PRSS23: variants seen among roughly 807,000 people sequenced by gnomAD.
PRSS23 encodes the protein serine protease 23, also known as protease, serine 23.
A neutral mutation model predicts 34.7 loss-of-function variants in PRSS23; 25 were observed. The observed-to-expected ratio is 0.72, with a 90% CI of 0.53 to 1.01. The LOEUF (loss-of-function observed/expected upper bound fraction) is 1.01. PRSS23 is among the 50% of genes least tolerant of loss of function. The probability of loss-of-function intolerance (pLI) is 0.00; values close to 1 mark genes in which losing one functional copy is unlikely to be tolerated. For synonymous variants in PRSS23, 176 were observed against 186.6 expected (o/e 0.94, Z 0.46); for missense variants, 445 against 475.6 (o/e 0.94, Z 0.60).
chr11:86,840,660 C>A (rs1409084670), intron 2 of PRSS23, among the ~76,000 whole-genome samples: 1 of 152,204 alleles, frequency 6.6e-6, no homozygotes, highest in Non-Finnish European at 1.5e-5. Context: ...AATATACATT[C>A]TTGTCAGCAC....
chr11:86,946,278 C>A (rs1949241612), intron 2 of PRSS23: 1 of 152,194 alleles, frequency 6.6e-6, no homozygotes, highest in African/African-American at 2.4e-5. Flanking sequence ...CGCAGAGTGG[C>A]TCTTGCCCCT....
intron 2 of PRSS23, among the ~76,000 whole-genome samples, chr11:86,830,694 C>T (rs552630865): frequency 7.2e-5 from 11 of 152,206 alleles, no homozygotes; most frequent in East Asian, 5.8e-4. Flanking sequence ...CTATACACCC[C>T]GTAATATTAT....
chr11:86,923,941 T>C (rs943246516), intron 2 of PRSS23, among the ~76,000 whole-genome samples: 2 of 152,182 alleles, frequency 1.3e-5, no homozygotes, highest in African/African-American at 2.4e-5. Flanking sequence ...AAGATATATT[T>C]CCTTGAGAAG....
intron 2 of PRSS23, chr11:86,946,365 A>C (rs1252875605): frequency 6.6e-6 from 1 of 152,198 alleles, no homozygotes; most frequent in Non-Finnish European, 1.5e-5. Context: ...AAAAGCTTTG[A>C]GGACATGGCT....
intron 2 of PRSS23, among the ~76,000 whole-genome samples, chr11:86,929,149 C>G (rs1388621216): frequency 6.6e-6 from 1 of 151,140 alleles, no homozygotes; most frequent in African/African-American, 2.4e-5. Flanking sequence ...TGGAGAAACC[C>G]CGTCTCTACT....
intron 2 of PRSS23, among the ~76,000 whole-genome samples, chr11:86,862,519 A>T (rs1034510574): frequency 1.1e-4 from 16 of 151,856 alleles, no homozygotes; most frequent in Middle Eastern, 3.2e-3. Context: ...TAATATCCTA[A>T]GAGTATGTTA....
At chr11:86,878,256 T>TCCCTCTCCCTCATCTCCGTCG (rs1948739513) in intron 2 of PRSS23, among the ~76,000 whole-genome samples, 1 of 119,122 alleles carries the variant, frequency 8.4e-6, no homozygotes, top group Non-Finnish European at 1.7e-5. Flanking sequence ...CATCTCCGTC[T>TCCCTCTCCCTCATCTCCGTCG]CCCTCTCCCC....
At chr11:86,935,762 G>A (rs1949157671) in intron 2 of PRSS23, 1 of 152,134 alleles carries the variant, frequency 6.6e-6, no homozygotes, top group African/African-American at 2.4e-5. Flanking sequence ...GAAAGTTACG[G>A]AACTGGGATT....
intron 2 of PRSS23, among the ~76,000 whole-genome samples, chr11:86,830,681 G>A (rs1002713085): frequency 3.3e-4 from 50 of 152,248 alleles, no homozygotes; most frequent in African/African-American, 7.9e-4. Context: ...CATATCACAG[G>A]GGCTATACAC....
At chr11:86,878,995 C>A (rs879605108) in intron 2 of PRSS23, among the ~76,000 whole-genome samples, 5 of 104,592 alleles carry the variant, frequency 4.8e-5, no homozygotes, top group Non-Finnish European at 4.0e-5. Flanking sequence ...TCTGCCCGGC[C>A]GCCATCCCGT....
rs1948169860 is a variant in PRSS23, at chr11:86,810,779, G to C, written c.*1984G>C. ...AAGTAGATGTAATTTACTAAAGAAT[G>C]ATACACCCATATGCTATATACAGCT... is the stretch of plus-strand genomic sequence containing the variant. On this transcript the variant is annotated 3_prime_UTR_variant, in exon 2 of 2. Transcript: ENST00000280258. 1 of 166,942 alleles carries C rather than the reference G, an allele frequency of 6.0e-6. No individual in the cohort carries two copies. Among genetic ancestry groups the C allele is most frequent in the Non-Finnish European group, 1.5e-5 (1 of 68,104 alleles). 10.3% of individuals were successfully genotyped at this position (166,942 alleles called of 1,614,324 possible).
chr11:86,849,408 C>A (rs1482358361), intron 2 of PRSS23, among the ~76,000 whole-genome samples: 1 of 152,038 alleles, frequency 6.6e-6, no homozygotes, highest in African/African-American at 2.4e-5. Flanking sequence ...AACAAATTAC[C>A]CATTTGTTGT....
At chr11:86,916,397 A>C (rs1448360719) in intron 2 of PRSS23, among the ~76,000 whole-genome samples, 1 of 152,108 alleles carries the variant, frequency 6.6e-6, no homozygotes, top group Non-Finnish European at 1.5e-5. Flanking sequence ...CTGTTCCCCA[A>C]ATCCACCTCT....
chr11:86,876,979 T>C (rs1365593119), intron 2 of PRSS23, among the ~76,000 whole-genome samples: 1 of 152,180 alleles, frequency 6.6e-6, no homozygotes, highest in Non-Finnish European at 1.5e-5. Context: ...GTATAACCTG[T>C]CTTCTACCTG....
At chr11:86,944,093 T>G (rs1014533487) in intron 2 of PRSS23, among the ~76,000 whole-genome samples, 6 of 151,850 alleles carry the variant, frequency 4.0e-5, no homozygotes, top group African/African-American at 1.5e-4. Flanking sequence ...AAGATCAAGG[T>G]TGTGTTCTCC....
At chr11:86,845,402 A>T (rs76054955) in intron 2 of PRSS23, among the ~76,000 whole-genome samples, 9,811 of 152,318 alleles carry the variant, frequency 0.064, 449 homozygotes, top group Non-Finnish European at 0.093. Flanking sequence ...TTATGAATGT[A>T]TCTTAAATTC....
At chr11:86,895,253 G>T (rs1225519259) in intron 2 of PRSS23, among the ~76,000 whole-genome samples, 1 of 152,156 alleles carries the variant, frequency 6.6e-6, no homozygotes, top group Non-Finnish European at 1.5e-5. Flanking sequence ...TCCTGGTCCT[G>T]CTACTCACTG....
intron 1 of PRSS23, among the ~76,000 whole-genome samples, chr11:86,792,274 C>A (rs1947956349): frequency 6.6e-6 from 1 of 152,194 alleles, no homozygotes; most frequent in Non-Finnish European, 1.5e-5. Flanking sequence ...CCATTTCTTG[C>A]AGCAGCTGCA....
chr11:86,837,588 G>A (rs899649231), intron 2 of PRSS23: 2 of 152,142 alleles, frequency 1.3e-5, no homozygotes, highest in African/African-American at 4.8e-5. Flanking sequence ...GCAACATGGT[G>A]AAACCATGCC....
Sources: gnomAD v4.1 joint callset for allele counts (sites outside exome capture counted in the v4.1 genomes callset) on GRCh38, gnomAD v4.1.1 for gene constraint, MANE v1.5 for transcripts, NCBI Gene and HGNC (gene_info 2026-07-23, HGNC 2026-07-21) for gene names.